The following SORCS2 variants were observed in gnomAD, a reference collection of about 807,000 sequenced individuals.
SORCS2 encodes the protein sortilin related VPS10 domain containing receptor 2.
In SORCS2, 100 loss-of-function variants were observed where a neutral mutation model predicts 141.6. The observed-to-expected ratio is 0.71, with a 90% CI of 0.60 to 0.83. SORCS2 has a LOEUF of 0.83. Ranked by LOEUF, SORCS2 falls within the 40% of genes least tolerant of loss-of-function variation. SORCS2 has a pLI of 0.00. For missense variants in SORCS2, 1,646 were observed against 1,560.2 expected, an observed-to-expected ratio of 1.05 and a Z score of -0.93; for synonymous variants, 789 against 676.9, an observed-to-expected ratio of 1.17 and a Z score of -2.57.
At chr4:7,266,315 A>G (rs1000271022) in intron 1 of SORCS2, among the ~76,000 whole-genome samples, 3 of 152,180 alleles carry the variant, frequency 2.0e-5, no homozygotes, top group African/African-American at 7.2e-5. Flanking sequence ...CCTCTGGTGA[A>G]GTGTCGGAGC....
chr4:7,267,106 G>C (rs1334453089), intron 1 of SORCS2, among the ~76,000 whole-genome samples: 2 of 152,178 alleles, frequency 1.3e-5, no homozygotes. Flanking sequence ...AATATTTATT[G>C]CATGAATCAG....
intron 1 of SORCS2, among the ~76,000 whole-genome samples, chr4:7,248,459 A>G (rs189213488): frequency 6.6e-6 from 1 of 152,334 alleles, no homozygotes; most frequent in Admixed American, 6.5e-5. Flanking sequence ...GTAATAAAGA[A>G]GATGATGACC....
Position 7,726,955 on chromosome 4 carries a change from C to A in SORCS2, c.2869+52C>A. 3.8e-6 allele frequency: 6 copies of A among 1,573,082 alleles called. No homozygotes were observed. In the South Asian group the frequency reaches 6.9e-5, roughly 18 times the overall value. ...ACGGCCTCTGCATCTCTGCTGCAGTCCAGGAAGCCAGGCCACATGGGTCGC... is the reference window on the plus strand; with the variant it reads ...ACGGCCTCTGCATCTCTGCTGCAGTACAGGAAGCCAGGCCACATGGGTCGC... On this transcript the variant is annotated intron_variant, in intron 21 of 26. Transcript: ENST00000507866.
chr4:7,644,995 G>T (rs1395820390), intron 4 of SORCS2, among the ~76,000 whole-genome samples: 1 of 152,236 alleles, frequency 6.6e-6, no homozygotes, highest in African/African-American at 2.4e-5. Context: ...GCGCCTCCCA[G>T]GAGAGTGAGT....
intron 19 of SORCS2, among the ~76,000 whole-genome samples, chr4:7,724,121 G>GTGA (rs1226326806): frequency 1.8e-4 from 24 of 131,252 alleles, no homozygotes; most frequent in South Asian, 4.9e-4. Context: ...GGTGATGGTG[G>GTGA]TGGTGGTGGT....
chr4:7,287,444 G>A (rs2108870700), intron 1 of SORCS2, among the ~76,000 whole-genome samples: 1 of 152,340 alleles, frequency 6.6e-6, no homozygotes, highest in African/African-American at 2.4e-5. Context: ...TGGGCGTGGG[G>A]GCACATCGCC....
intron 1 of SORCS2, among the ~76,000 whole-genome samples, chr4:7,354,681 G>T (rs1243022052): frequency 6.6e-6 from 1 of 152,220 alleles, no homozygotes; most frequent in Non-Finnish European, 1.5e-5. Flanking sequence ...AGCTCTGCTA[G>T]CGTGGGGTGG....
chr4:7,624,360 G>T (rs981763618), intron 3 of SORCS2, among the ~76,000 whole-genome samples: 1 of 152,204 alleles, frequency 6.6e-6, no homozygotes, highest in Non-Finnish European at 1.5e-5. Context: ...TGCAGACCTT[G>T]TCTCATGTTT....
intron 1 of SORCS2, among the ~76,000 whole-genome samples, chr4:7,380,563 GC>G (rs779663387): frequency 2.0e-5 from 3 of 152,228 alleles, no homozygotes; most frequent in Non-Finnish European, 4.4e-5. Context: ...TGGCTTTAAA[GC>G]CCAGGGCAAG....
Position 7,723,891 on chromosome 4 carries a change from T to A in SORCS2, c.2611+8T>A. On this transcript the variant is annotated splice_region_variant and intron_variant, in intron 19 of 26. Coordinates refer to ENST00000507866, the MANE Select transcript of SORCS2 (RefSeq NM_020777.3). ...TCTTTGTCCAGGTCAACTGTAAGTT[T>A]ATTGCCCCTTTGAGGCCAAAGGTCA... The A allele has an allele frequency of 6.3e-7, 1 of 1,594,542 alleles. No homozygotes were observed. The highest frequency in any genetic ancestry group is 1.1e-5 in the South Asian group (1 of 90,454).
chr4:7,694,931 C>G (rs1159872043), intron 11 of SORCS2, among the ~76,000 whole-genome samples: 1 of 151,878 alleles, frequency 6.6e-6, no homozygotes, highest in African/African-American at 2.4e-5. Flanking sequence ...CTGCCTGAGT[C>G]TCTCCTTGAG....
intron 2 of SORCS2, among the ~76,000 whole-genome samples, chr4:7,530,169 C>T (rs62280211): frequency 0.14 from 21,311 of 152,232 alleles, 2,520 homozygotes; most frequent in African/African-American, 0.32. Context: ...TCTAGAAGGG[C>T]GTGAAATAGC....
intron 1 of SORCS2, among the ~76,000 whole-genome samples, chr4:7,250,665 G>A (rs977869527): frequency 6.6e-6 from 1 of 152,244 alleles, no homozygotes; most frequent in African/African-American, 2.4e-5. Context: ...CGGCCTTGGG[G>A]TCTTTCATGT....
intron 19 of SORCS2, among the ~76,000 whole-genome samples, chr4:7,724,477 G>A (rs977312014): frequency 2.2e-3 from 128 of 59,400 alleles, no homozygotes; most frequent in Non-Finnish European, 3.1e-3. Context: ...GATGGTGATG[G>A]TGGTGATGGT....
intron 2 of SORCS2, among the ~76,000 whole-genome samples, chr4:7,406,807 A>T (rs1724997594): frequency 6.6e-6 from 1 of 151,346 alleles, no homozygotes; most frequent in South Asian, 2.1e-4. Flanking sequence ...GATTTTTTAA[A>T]GTTTATGTTT....
At chr4:7,483,092 G>A (rs1478710071) in intron 2 of SORCS2, among the ~76,000 whole-genome samples, 6 of 152,058 alleles carry the variant, frequency 3.9e-5, no homozygotes, top group African/African-American at 7.2e-5. Flanking sequence ...AGGCTGAGAC[G>A]GGGGGATCAT....
chr4:7,538,688 C>A (rs1296331963), intron 3 of SORCS2, among the ~76,000 whole-genome samples: 2 of 152,126 alleles, frequency 1.3e-5, no homozygotes, highest in African/African-American at 4.8e-5. Flanking sequence ...GCCCACCCAC[C>A]ATATCACCCG....
At position 7,718,043 on chromosome 4, in the gene SORCS2, G is replaced by C. The variant is rs766241747; in HGVS notation, c.2284G>C (p.Gly762Arg). Residue 762 changes from glycine to arginine, a missense_variant, in exon 18 of 27, where the codon GGT (glycine) becomes CGT (arginine). By Grantham distance (125) the Gly-to-Arg change is moderately radical. Coordinates refer to ENST00000507866, the MANE Select transcript of SORCS2 (RefSeq NM_020777.3). ...GAAAGTGGTGTCCAACGTGTGTGAG[G>C]GTGGGGTGGACATGCAGCAGAGTCA... ...YRKVVSNVCEGGVDMQQSQVQ... is the reference protein window; with the variant it reads ...YRKVVSNVCERGVDMQQSQVQ... 3 of 1,608,428 alleles carry C rather than the reference G, an allele frequency of 1.9e-6. No individual in the cohort carries two copies. The highest frequency in any genetic ancestry group is 1.7e-4 in the Middle Eastern group (1 of 6,040).
chr4:7,335,348 G>C (rs1461380645), intron 1 of SORCS2, among the ~76,000 whole-genome samples: 1 of 152,248 alleles, frequency 6.6e-6, no homozygotes, highest in African/African-American at 2.4e-5. Context: ...TCCCTGGGGA[G>C]TGAAGGGAAT....
Sources: allele counts gnomAD v4.1 joint callset (sites outside exome capture counted in the v4.1 genomes callset), GRCh38; gene constraint gnomAD v4.1.1; transcripts MANE v1.5; gene names NCBI Gene and HGNC (gene_info 2026-07-23, HGNC 2026-07-21).